MED12L: variants seen among roughly 807,000 people sequenced by gnomAD.
MED12L encodes the protein mediator of RNA polymerase II transcription subunit 12-like protein.
Under a neutral mutation model 281.3 loss-of-function variants are expected in MED12L, and 60 were observed. The observed-to-expected ratio is 0.21, with a 90% CI of 0.17 to 0.26. The LOEUF is 0.26. MED12L is among the 10% of genes least tolerant of loss of function. The pLI is 1.00. For missense variants in MED12L, 2,146 were observed against 2,680.9 expected, an observed-to-expected ratio of 0.80 and a Z score of 4.41; for synonymous variants, 974 against 987.2, an observed-to-expected ratio of 0.99 and a Z score of 0.25.
At position 151,193,504 on chromosome 3, in the gene MED12L, G is replaced by A. The variant is rs1470082454; in HGVS notation, c.2088G>A (p.Met696Ile). ...ACATGACTTAGATTTTTTCTCCTAT[G>A]CCTGGAGAATCCTGTGAGAATGCCA... The part of the protein sequence containing the change: ...FGSEFPIFSP[M>I]PGESCENANT... The change falls in exon 16 of 45, where the codon ATG becomes ATA. Residue 696 changes from methionine (M) to isoleucine (I), a missense_variant. Transcript: ENST00000687756. The A allele has an allele frequency of 6.2e-7, 1 of 1,612,148 alleles. No individual in the cohort carries two copies. The highest frequency in any genetic ancestry group is 8.5e-7 in the Non-Finnish European group (1 of 1,179,088).
intron 16 of MED12L, among the ~76,000 whole-genome samples, chr3:151,230,624 CTA>C (rs1482294765): frequency 2.7e-5 from 4 of 148,132 alleles, no homozygotes; most frequent in Non-Finnish European, 4.5e-5. Flanking sequence ...TCTTTGAACT[CTA>C]TGTGTTATTG....
At chr3:151,099,786 G>A (rs1721177834) in intron 2 of MED12L, among the ~76,000 whole-genome samples, 3 of 152,184 alleles carry the variant, frequency 2.0e-5, no homozygotes, top group Admixed American at 1.3e-4. Flanking sequence ...GGGTGAGGGA[G>A]GGGAGGAGAG....
At chr3:151,226,640 G>T (rs1235119821) in intron 16 of MED12L, among the ~76,000 whole-genome samples, 2 of 152,044 alleles carry the variant, frequency 1.3e-5, no homozygotes, top group Non-Finnish European at 2.9e-5. Flanking sequence ...GAATGTGCAT[G>T]TGTGTATGTT....
chr3:151,217,510 T>G (rs1728476438), intron 16 of MED12L, among the ~76,000 whole-genome samples: 1 of 152,170 alleles, frequency 6.6e-6, no homozygotes, highest in Non-Finnish European at 1.5e-5. Flanking sequence ...CCTCCTGAAA[T>G]GGAGTGAATG....
chr3:151,247,467 A>T (rs1469754966), intron 16 of MED12L, among the ~76,000 whole-genome samples: 1 of 151,854 alleles, frequency 6.6e-6, no homozygotes, highest in Admixed American at 6.6e-5. Context: ...TTGTAGGGAC[A>T]TGGATGAAAT....
intron 16 of MED12L, among the ~76,000 whole-genome samples, chr3:151,308,979 T>G (rs917710156): frequency 3.9e-5 from 6 of 152,158 alleles, no homozygotes; most frequent in Non-Finnish European, 5.9e-5. Flanking sequence ...TTAATATGAG[T>G]GGATATTTCA....
At chr3:151,369,598 G>T in intron 26 of MED12L, 49 bp downstream of exon 26, 1 of 1,210,020 alleles carries the variant, frequency 8.3e-7, no homozygotes, top group South Asian at 1.4e-5. Context: ...CAGAAATGAA[G>T]GCAAAATAAT....
chr3:151,420,001 A>G (rs951077025), intron 43 of MED12L, among the ~76,000 whole-genome samples: 17 of 152,150 alleles, frequency 1.1e-4, no homozygotes, highest in Non-Finnish European at 5.9e-5. Context: ...TTCTTCTGCT[A>G]CCCATTCTGT....
intron 16 of MED12L, among the ~76,000 whole-genome samples, chr3:151,235,871 A>G (rs895054701): frequency 1.3e-5 from 2 of 152,062 alleles, no homozygotes; most frequent in East Asian, 3.9e-4. Flanking sequence ...GGCATCTAAC[A>G]TAGCCATTCC....
chr3:151,332,215 G>A (rs746869669), intron 16 of MED12L, among the ~76,000 whole-genome samples: 1 of 152,182 alleles, frequency 6.6e-6, no homozygotes, highest in Admixed American at 6.5e-5. Flanking sequence ...GGATTTCTCA[G>A]TTGCATCAAA....
chr3:151,180,354 G>T (rs1004237995), intron 11 of MED12L, among the ~76,000 whole-genome samples: 1 of 152,170 alleles, frequency 6.6e-6, no homozygotes, highest in Non-Finnish European at 1.5e-5. Flanking sequence ...GGGGTGGAAG[G>T]CTAGACTTAC....
intron 3 of MED12L, among the ~76,000 whole-genome samples, chr3:151,118,060 C>T (rs920702018): frequency 3.6e-5 from 5 of 139,964 alleles, no homozygotes; most frequent in Non-Finnish European, 3.0e-5. Context: ...CGCTGCACTC[C>T]AGCCTGGGTG....
At chr3:151,269,631 G>A (rs1740507429) in intron 16 of MED12L, 3 of 389,594 alleles carry the variant, frequency 7.7e-6, no homozygotes, top group Non-Finnish European at 5.0e-6. Flanking sequence ...AAGAGGCACT[G>A]TATTATTTGA....
At chr3:151,287,889 T>A (rs1409179949) in intron 16 of MED12L, among the ~76,000 whole-genome samples, 2 of 152,132 alleles carry the variant, frequency 1.3e-5, no homozygotes, top group African/African-American at 4.8e-5. Context: ...TGAAGCTTTT[T>A]AATAAACTTT....
In MED12L at chr3:151,141,142, C is replaced by T. The variant is rs374824902; in HGVS notation, c.556+13158C>T. ...TTGGCCTCCCACAGTGCTGGGATTA[C>T]AGGCGTGAGCCACCGTGCCTGGCGT... On this transcript the variant is annotated intron_variant, in intron 5 of 44. Transcript: ENST00000687756. Among the ~76,000 whole-genome samples the T allele has an allele frequency of 4.4e-4, 64 of 146,382 alleles. No homozygotes were observed. In the South Asian group the frequency reaches 0.013, roughly 31 times the overall value.
At chr3:151,166,491 C>T (rs1267864518) in intron 11 of MED12L, among the ~76,000 whole-genome samples, 1 of 151,216 alleles carries the variant, frequency 6.6e-6, no homozygotes, top group Non-Finnish European at 1.5e-5. Flanking sequence ...TTATATCTAC[C>T]TAGAGAGAGA....
At chr3:151,297,306 G>A (rs555767015) in intron 16 of MED12L, among the ~76,000 whole-genome samples, 87 of 152,278 alleles carry the variant, frequency 5.7e-4, no homozygotes, top group South Asian at 3.7e-3. Context: ...TATCAGTGAC[G>A]TTAGGAACTT....
intron 26 of MED12L, among the ~76,000 whole-genome samples, chr3:151,370,186 C>A (rs1338865106): frequency 6.6e-6 from 1 of 152,130 alleles, no homozygotes; most frequent in Non-Finnish European, 1.5e-5. Context: ...CTTTTCTCTT[C>A]ATTTACAGGG....
intron 37 of MED12L, among the ~76,000 whole-genome samples, chr3:151,389,695 G>A (rs1166528175): frequency 6.6e-6 from 1 of 152,128 alleles, no homozygotes; most frequent in African/African-American, 2.4e-5. Flanking sequence ...TTCAGTATTG[G>A]TATTCCTGAC....
Sources: allele counts gnomAD v4.1 joint callset (sites outside exome capture counted in the v4.1 genomes callset), GRCh38; gene constraint gnomAD v4.1.1; transcripts MANE v1.5; gene names NCBI Gene and HGNC (gene_info 2026-07-23, HGNC 2026-07-21).